The following COL18A1 variants were observed in gnomAD, a reference collection of about 807,000 sequenced individuals.
COL18A1 encodes the protein collagen type XVIII alpha 1 chain, also known as collagen alpha-1(XVIII) chain.
In COL18A1, 133 loss-of-function variants were observed where a neutral mutation model predicts 168.0. The ratio of observed to expected loss-of-function variants is 0.79; its 90% CI spans 0.69 to 0.91. COL18A1 has a LOEUF of 0.91. Ranked by LOEUF, COL18A1 falls within the 40% of genes least tolerant of loss-of-function variation. The probability of loss-of-function intolerance (pLI) is 0.00; values close to 1 mark genes in which losing one functional copy is unlikely to be tolerated. For synonymous variants in COL18A1, 949 were observed against 809.0 expected, an observed-to-expected ratio of 1.17 and a Z score of -2.94; for missense variants, 2,126 against 1,925.4, an observed-to-expected ratio of 1.10 and a Z score of -1.95.
intron 2 of COL18A1, chr21:45,424,465 CA>C (rs2033721477): frequency 6.6e-6 from 1 of 152,348 alleles, no homozygotes; most frequent in Non-Finnish European, 1.5e-5. Context: ...ACACCTGCCC[CA>C]AGGTGCCCCA....
chr21:45,490,523 C>T (rs1439804714), intron 20 of COL18A1, among the ~76,000 whole-genome samples, 177 bp downstream of exon 20: 1 of 113,008 alleles, frequency 8.8e-6, no homozygotes, highest in Admixed American at 8.2e-5. Flanking sequence ...TGTGCCCACT[C>T]CCGGGTCTCT....
At chr21:45,441,195 C>T (rs1166823033) in intron 2 of COL18A1, among the ~76,000 whole-genome samples, 2 of 152,176 alleles carry the variant, frequency 1.3e-5, no homozygotes, top group African/African-American at 2.4e-5. Flanking sequence ...ACCACAGCTC[C>T]CCTACACACA....
At chr21:45,415,984 C>T (rs532137886) in intron 2 of COL18A1, among the ~76,000 whole-genome samples, 5 of 152,266 alleles carry the variant, frequency 3.3e-5, no homozygotes, top group East Asian at 3.9e-4. Flanking sequence ...AATGCCTCGC[C>T]GGGCCTTTCA....
Position 45,496,495 on chromosome 21 carries a change from C to A in COL18A1, c.2509-5C>A, listed in dbSNP as rs764997257. 4 of 1,345,994 alleles carry A rather than the reference C, an allele frequency of 3.0e-6. No individual in the cohort carries two copies. The highest frequency in any genetic ancestry group is 1.4e-5 in the African/African-American group (1 of 70,040). 83.4% of individuals were successfully genotyped at this position (1,345,994 alleles called of 1,614,324 possible). A position where few individuals can be genotyped will look rare whatever the true frequency, so the allele number is the denominator to read the frequency against. ...AAGCCTAACAGCTCTCTGCCCTCCC[C>A]ACAGGGAATGCCCGGCCCCCCAGGA... On this transcript the variant is annotated splice_polypyrimidine_tract_variant and splice_region_variant and intron_variant, in intron 29 of 41. Transcript: ENST00000651438.
intron 28 of COL18A1, 56 bp downstream of exon 28, chr21:45,494,971 C>T (rs2036482305): frequency 1.4e-6 from 2 of 1,479,712 alleles, no homozygotes; most frequent in African/African-American, 2.8e-5. Flanking sequence ...AGGTGGGGAG[C>T]AGCCCAGGCC....
chr21:45,456,426 G>T (rs754114479), intron 2 of COL18A1: 2 of 1,544,204 alleles, frequency 1.3e-6, no homozygotes, highest in Non-Finnish European at 1.8e-6. Context: ...ACTTTAACCA[G>T]GGACAGCGGT....
In COL18A1 at chr21:45,477,886, C is replaced by T. The variant is rs761673241; in HGVS notation, c.1142C>T (p.Ala381Val). ...PVSPLGPAGP[A>V]LQTVPGPQGP... ...AGTCCCCTGGGTCCTGCAGGCCCAG[C>T]GTTGCAAACTGTCCCCGGACCACAA... The change falls in exon 8 of 42, where the codon GCG (alanine) becomes GTG (valine). Residue 381 changes from alanine (A) to valine (V), a missense_variant. Physicochemically the swap from Ala to Val is moderately conservative, Grantham distance 64 (BLOSUM62 0). Coordinates refer to ENST00000651438, the MANE Select transcript of COL18A1 (RefSeq NM_001379500.1). 22 of 1,560,946 alleles carry T rather than the reference C, an allele frequency of 1.4e-5. No homozygotes were observed. The highest frequency in any genetic ancestry group is 9.5e-5 in the African/African-American group (7 of 73,480).
chr21:45,483,844 G>A (rs781624004), intron 15 of COL18A1, among the ~76,000 whole-genome samples: 2 of 152,084 alleles, frequency 1.3e-5, no homozygotes, highest in East Asian at 1.9e-4. Flanking sequence ...GACATGGGCT[G>A]GGAGTGAATG....
At chr21:45,483,899 G>GCA (rs972460155) in intron 15 of COL18A1, among the ~76,000 whole-genome samples, 1 of 125,382 alleles carries the variant, frequency 8.0e-6, no homozygotes, top group Non-Finnish European at 1.7e-5. Flanking sequence ...ATGTACACAT[G>GCA]CACACACACA....
intron 2 of COL18A1, among the ~76,000 whole-genome samples, chr21:45,429,559 T>C (rs975248164): frequency 6.6e-6 from 1 of 152,188 alleles, no homozygotes; most frequent in Admixed American, 6.5e-5. Context: ...CTGTCTCCTC[T>C]TCTCCCCTCT....
chr21:45,422,412 C>G (rs199878290), intron 2 of COL18A1: 8 of 520,208 alleles, frequency 1.5e-5, no homozygotes, highest in Non-Finnish European at 2.4e-5. Flanking sequence ...AGGGTCTCAC[C>G]TCTTCCTGCA....
chr21:45,512,242 G>A lies in COL18A1; in HGVS notation c.3864G>A (p.Glu1288=). 6.2e-7 allele frequency: 1 copy of A among 1,612,578 alleles called. No homozygotes were observed. The highest frequency in any genetic ancestry group is 8.5e-7 in the Non-Finnish European group (1 of 1,179,790). Residue 1288 remains glutamate, a synonymous_variant, in exon 42 of 42, where the codon GAG becomes GAA. Coordinates refer to ENST00000651438, the MANE Select transcript of COL18A1 (RefSeq NM_001379500.1). The part of the protein sequence containing the change: ...GSDPNGRRLT[E]SYCETWRTEA... ...ACCCCAACGGGCGCAGGCTGACCGA[G>A]AGCTACTGTGAGACGTGGCGGACGG...
At position 45,492,560 on chromosome 21, in the gene COL18A1, C is replaced by A. The variant is rs58380358; in HGVS notation, c.2183C>A (p.Pro728His). 6 of 1,613,190 alleles carry A rather than the reference C, an allele frequency of 3.7e-6. No homozygotes were observed. In the South Asian group the frequency reaches 6.6e-5, roughly 18 times the overall value. The stretch of plus-strand genomic sequence containing the variant: ...GGATCCGTCCTGAGCGTGCCGGGAC[C>A]TGAGGTATGTGCCTGCCCAGCTTCT... ...QDGSVLSVPG[P>H]EGRPGFAGFP... The change falls in exon 23 of 42, where the codon CCT (proline) becomes CAT (histidine). Residue 728 changes from proline (P) to histidine (H), a missense_variant. Coordinates refer to ENST00000651438, the MANE Select transcript of COL18A1 (RefSeq NM_001379500.1).
At chr21:45,456,654 G>T (rs1568881798) in intron 2 of COL18A1, 2 of 1,535,218 alleles carry the variant, frequency 1.3e-6, no homozygotes, top group East Asian at 2.5e-5. Context: ...GCGTGGGGGG[G>T]CCTGCTGCAG....
At chr21:45,459,834 C>T (rs373743062) in intron 2 of COL18A1, among the ~76,000 whole-genome samples, 1 of 152,198 alleles carries the variant, frequency 6.6e-6, no homozygotes, top group African/African-American at 2.4e-5. Flanking sequence ...CCTGGGCTGT[C>T]TCAGTGGGAC....
At position 45,479,941 on chromosome 21, in the gene COL18A1, G is replaced by A. The variant is rs2035834577; in HGVS notation, c.1288G>A (p.Asp430Asn). The change falls in exon 10 of 42, where the codon GAC becomes AAC. Residue 430 changes from aspartate (D) to asparagine (N), a missense_variant. By Grantham distance (23) the Asp-to-Asn change is conservative. Coordinates refer to ENST00000651438, the MANE Select transcript of COL18A1 (RefSeq NM_001379500.1). ...GPQGFPGTPG[D>N]VGPKGDKGDP... ...ACAAGGCTTCCCCGGGACTCCAGGG[G>A]ACGTAGGTCCCAAGGGCGACAAGGT... is the stretch of plus-strand genomic sequence containing the variant. 1.2e-6 allele frequency: 2 copies of A among 1,613,856 alleles called. No homozygotes were observed. The highest frequency in any genetic ancestry group is 1.7e-5 in the Admixed American group (1 of 60,014).
chr21:45,499,803 C>T (rs2036678664), intron 32 of COL18A1, among the ~76,000 whole-genome samples: 1 of 152,074 alleles, frequency 6.6e-6, no homozygotes, highest in South Asian at 2.1e-4. Context: ...ACACACAGGA[C>T]GTTTAAAACA....
chr21:45,504,624 C>T (rs1290606699), intron 34 of COL18A1, 68 bp downstream of exon 34: 11 of 1,429,564 alleles, frequency 7.7e-6, no homozygotes, highest in Non-Finnish European at 1.1e-5. Flanking sequence ...GAGGGCAGGT[C>T]CAGCCCGGCC....
In COL18A1 at chr21:45,446,050, GT is replaced by G. The variant is rs566224156; in HGVS notation, c.107-22185del. Among the ~76,000 whole-genome samples the G allele has an allele frequency of 5.8e-4, 89 of 152,222 alleles. 1 individual carries two copies. In the East Asian group the frequency reaches 0.017, roughly 28 times the overall value. ...GTTATGAAAAAGAAAACCTTCAAAA[GT>G]TTTTTTATTTTAGCTCTTTTATTTA... On this transcript the variant is annotated intron_variant, in intron 2 of 41. Transcript: ENST00000651438.
Sources: allele counts gnomAD v4.1 joint callset (sites outside exome capture counted in the v4.1 genomes callset), GRCh38; gene constraint gnomAD v4.1.1; transcripts MANE v1.5; gene names NCBI Gene and HGNC (gene_info 2026-07-23, HGNC 2026-07-21).